The following SKAP1 variants were observed in gnomAD, a reference collection of about 807,000 sequenced individuals.
SKAP1 encodes the protein src kinase-associated phosphoprotein 1.
SKAP1 carries 44 observed loss-of-function variants against 58.5 expected under a neutral mutation model. That is an observed-to-expected ratio of 0.75 (90% CI 0.59 to 0.97). The LOEUF (loss-of-function observed/expected upper bound fraction) is 0.97, where lower values mean the gene tolerates loss of function less well. Ranked by LOEUF, SKAP1 falls within the 50% of genes least tolerant of loss-of-function variation. The probability of loss-of-function intolerance (pLI) is 0.00; values close to 1 mark genes in which losing one functional copy is unlikely to be tolerated. For missense variants in SKAP1, 390 were observed against 435.2 expected, an observed-to-expected ratio of 0.90 and a Z score of 0.92; for synonymous variants, 127 against 149.7, an observed-to-expected ratio of 0.85 and a Z score of 1.11.
At chr17:48,203,456 C>T (rs1030001370) in intron 4 of SKAP1, among the ~76,000 whole-genome samples, 4 of 152,218 alleles carry the variant, frequency 2.6e-5, no homozygotes, top group Non-Finnish European at 5.9e-5. Context: ...AAATGTATTT[C>T]TGACAAAAGC....
chr17:48,370,655 AGGAACACTTATACATTG>A (rs2067072681), intron 2 of SKAP1, among the ~76,000 whole-genome samples: 1 of 152,306 alleles, frequency 6.6e-6, no homozygotes, highest in Admixed American at 6.5e-5. Flanking sequence ...TGTGGAGAAA[AGGAACACTTATACATTG>A]TTGGTGGGAA....
intron 3 of SKAP1, among the ~76,000 whole-genome samples, chr17:48,359,499 C>T (rs1468242356): frequency 6.6e-6 from 1 of 152,170 alleles, no homozygotes; most frequent in Non-Finnish European, 1.5e-5. Flanking sequence ...TTTATACATT[C>T]GTTGGTAAAC....
At position 48,239,406 on chromosome 17, in the gene SKAP1, T is replaced by A. The variant is rs570862048; in HGVS notation, c.281-49906A>T. On this transcript the variant is annotated intron_variant, in intron 4 of 12. Transcript: ENST00000336915. ...AATCCTCTCTGTGCCCTCTTTATTA[T>A]CACATTCACAGCATGAAGTTATGAG... 1.2e-4 allele frequency among the ~76,000 whole-genome samples: 19 copies of A among 152,300 alleles called. 2 individuals are homozygous for A. Among genetic ancestry groups the A allele is most frequent in the South Asian group, 1.0e-3 (5 of 4,828 alleles).
intron 4 of SKAP1, among the ~76,000 whole-genome samples, chr17:48,316,587 T>C (rs1037593527): frequency 6.6e-6 from 1 of 152,144 alleles, no homozygotes; most frequent in Non-Finnish European, 1.5e-5. Context: ...TCGGCCCCAG[T>C]AAAATATGAG....
chr17:48,288,050 CTTTAA>C (rs1163303047), intron 4 of SKAP1, among the ~76,000 whole-genome samples: 7 of 152,068 alleles, frequency 4.6e-5, no homozygotes, highest in African/African-American at 9.7e-5. Flanking sequence ...CTTGGTATAT[CTTTAA>C]TTTAATTACT....
chr17:48,143,982 A>G (rs2063798676), intron 11 of SKAP1, among the ~76,000 whole-genome samples: 1 of 152,244 alleles, frequency 6.6e-6, no homozygotes, highest in South Asian at 2.1e-4. Flanking sequence ...GGTACCTGCA[A>G]AAGCCAGGCT....
chr17:48,218,635 A>G (rs1439628224), intron 4 of SKAP1, among the ~76,000 whole-genome samples: 2 of 152,224 alleles, frequency 1.3e-5, no homozygotes, highest in Non-Finnish European at 2.9e-5. Flanking sequence ...AGAATTAGAA[A>G]ACAATGACTG....
chr17:48,372,467 C>A (rs149719407), intron 2 of SKAP1, among the ~76,000 whole-genome samples: 56 of 151,746 alleles, frequency 3.7e-4, no homozygotes, highest in Admixed American at 7.2e-4. Flanking sequence ...CCACCATGCC[C>A]GGCTAATTTT....
chr17:48,420,009 G>A (rs1416702857), intron 1 of SKAP1, among the ~76,000 whole-genome samples: 1 of 152,082 alleles, frequency 6.6e-6, no homozygotes, highest in East Asian at 1.9e-4. Context: ...ATTAAGCAGT[G>A]GAACTCAAAG....
At chr17:48,375,229 TTCACCTACCTACTAAATACAATGA>T (rs1006957333) in intron 2 of SKAP1, among the ~76,000 whole-genome samples, 1 of 152,186 alleles carries the variant, frequency 6.6e-6, no homozygotes, top group African/African-American at 2.4e-5. Flanking sequence ...TAATACAATG[TTCACCTACCTACTAAATACAATGA>T]TCACAATCAA....
intron 4 of SKAP1, among the ~76,000 whole-genome samples, chr17:48,200,326 T>C (rs1026650735): frequency 6.6e-6 from 1 of 151,540 alleles, no homozygotes; most frequent in Admixed American, 6.6e-5. Flanking sequence ...GAGGAGGAAC[T>C]GGAACATGTG....
chr17:48,304,495 A>G (rs931961390), intron 4 of SKAP1, among the ~76,000 whole-genome samples: 3 of 152,202 alleles, frequency 2.0e-5, no homozygotes, highest in Non-Finnish European at 2.9e-5. Context: ...GACAGAGACA[A>G]GCTCATCTCC....
chr17:48,392,094 C>G (rs2067356021), intron 2 of SKAP1, among the ~76,000 whole-genome samples: 1 of 152,136 alleles, frequency 6.6e-6, no homozygotes, highest in Non-Finnish European at 1.5e-5. Flanking sequence ...AACTCCTTGT[C>G]TTTCTTCCTA....
intron 2 of SKAP1, among the ~76,000 whole-genome samples, chr17:48,372,098 A>C (rs772071659): frequency 3.8e-4 from 58 of 151,950 alleles, no homozygotes; most frequent in Middle Eastern, 3.4e-3. Context: ...CAGCCTCCTG[A>C]GTAGCTAGGA....
Position 48,187,881 on chromosome 17 carries a change from A to T in SKAP1, c.404T>A (p.Val135Asp). The T allele has an allele frequency of 6.2e-7, 1 of 1,614,038 alleles. No homozygotes were observed. Among genetic ancestry groups the T allele is most frequent in the Non-Finnish European group, 8.5e-7 (1 of 1,179,884 alleles). The change falls in exon 6 of 13, where the codon GTC becomes GAC. Residue 135 changes from valine to aspartate, a missense_variant. Coordinates refer to ENST00000336915, the MANE Select transcript of SKAP1 (RefSeq NM_003726.4). ...GSEWQKRWCV[V>D]SRGLFYYYAN... ...ATAGTAGTAGAAGAGACCTCTGCTGACAACACACCATCGCTTCTGCCACTC... is the reference window on the plus strand; with the variant it reads ...ATAGTAGTAGAAGAGACCTCTGCTGTCAACACACCATCGCTTCTGCCACTC...
chr17:48,369,653 G>T (rs1207113325), intron 2 of SKAP1, among the ~76,000 whole-genome samples: 1 of 152,090 alleles, frequency 6.6e-6, no homozygotes, highest in Non-Finnish European at 1.5e-5. Flanking sequence ...ACATTTTGTT[G>T]GATGTTGCTC....
intron 2 of SKAP1, among the ~76,000 whole-genome samples, chr17:48,369,444 T>C (rs1203229192): frequency 6.7e-6 from 1 of 150,102 alleles, no homozygotes; most frequent in Non-Finnish European, 1.5e-5. Context: ...TGAGCCATGA[T>C]TGCACCACTG....
chr17:48,204,151 T>TCG (rs1350673755), intron 4 of SKAP1: 1 of 151,286 alleles, frequency 6.6e-6, no homozygotes, highest in Non-Finnish European at 1.5e-5. Flanking sequence ...TGGTGTGATC[T>TCG]CGGCTGGAGT....
chr17:48,325,248 CA>C (rs200281665), intron 4 of SKAP1, among the ~76,000 whole-genome samples: 3,195 of 90,670 alleles, frequency 0.035, 5 homozygotes, highest in East Asian at 0.086. Flanking sequence ...GACTCCGTCT[CA>C]AAAAAAAAAA....
Sources: gnomAD v4.1 joint callset for allele counts (sites outside exome capture counted in the v4.1 genomes callset) on GRCh38, gnomAD v4.1.1 for gene constraint, MANE v1.5 for transcripts, NCBI Gene and HGNC (gene_info 2026-07-23, HGNC 2026-07-21) for gene names.